Variants in NUP133 observed in about 807,000 individuals in gnomAD.
The protein encoded by NUP133 is nuclear pore complex protein Nup133.
NUP133 carries 66 observed loss-of-function variants against 146.2 expected under a neutral mutation model. The ratio of observed to expected loss-of-function variants is 0.45; its 90% CI spans 0.37 to 0.55. The LOEUF is 0.55. Ranked by LOEUF, NUP133 falls within the 20% of genes least tolerant of loss-of-function variation. The pLI is 0.00. For synonymous variants in NUP133, 521 were observed against 498.8 expected, an observed-to-expected ratio of 1.04 and a Z score of -0.59; for missense variants, 1,277 against 1,374.8, an observed-to-expected ratio of 0.93 and a Z score of 1.12.
chr1:229,453,661 G>C (rs1660504614), intron 21 of NUP133, among the ~76,000 whole-genome samples: 2 of 152,184 alleles, frequency 1.3e-5, no homozygotes, highest in Admixed American at 1.3e-4. Flanking sequence ...TCAGCAAGCG[G>C]ACACTTGCCC....
chr1:229,493,528 C>G (rs1661575245), intron 8 of NUP133, among the ~76,000 whole-genome samples: 1 of 152,094 alleles, frequency 6.6e-6, no homozygotes, highest in Admixed American at 6.6e-5. Context: ...AAATGGACAA[C>G]AAATCAGTAG....
At position 229,508,320 on chromosome 1, in the gene NUP133, A is replaced by C; in HGVS notation, c.-71T>G. The C allele has an allele frequency of 1.7e-6, 2 of 1,185,278 alleles. No homozygotes were observed. The highest frequency in any genetic ancestry group is 2.2e-6 in the Non-Finnish European group (2 of 893,070). 73.4% of individuals were successfully genotyped at this position (1,185,278 alleles called of 1,614,324 possible). A position where few individuals can be genotyped will look rare whatever the true frequency, so the allele number is the denominator to read the frequency against. On this transcript the variant is annotated 5_prime_UTR_variant, in exon 1 of 26. Transcript: ENST00000261396. ...GGTTGCAGCCTGGCCTGCGCGCGGAACTTAAACACCTAAGGGAAGAGATGG... is the reference window on the plus strand; with the variant it reads ...GGTTGCAGCCTGGCCTGCGCGCGGACCTTAAACACCTAAGGGAAGAGATGG...
intron 23 of NUP133, 112 bp downstream of exon 23, chr1:229,450,413 C>T (rs1410304910): frequency 1.1e-5 from 6 of 542,710 alleles, no homozygotes; most frequent in Non-Finnish European, 2.0e-5. Context: ...AGTTGAACCA[C>T]AGATACAGTC....
intron 12 of NUP133, 54 bp from the exon 13 acceptor site, chr1:229,477,814 C>T (rs1169432990): frequency 2.8e-6 from 4 of 1,405,566 alleles, no homozygotes; most frequent in Admixed American, 2.1e-5. Context: ...ATTTTCAAAA[C>T]TCACCAAGAA....
chr1:229,488,000 T>C lies in NUP133; in HGVS notation c.1195-387A>G, dbSNP rs1056917216. Among the ~76,000 whole-genome samples the C allele has an allele frequency of 4.6e-5, 7 of 152,066 alleles. No homozygotes were observed. In the South Asian group the frequency reaches 8.3e-4, roughly 18 times the overall value. ...CTGGGATTACAGGTGCATGCTACCATGCCCGGCTAATTTTTTTGTATCTTT... is the reference window on the plus strand; with the variant it reads ...CTGGGATTACAGGTGCATGCTACCACGCCCGGCTAATTTTTTTGTATCTTT... On this transcript the variant is annotated intron_variant, in intron 9 of 25. Coordinates refer to ENST00000261396, the MANE Select transcript of NUP133 (RefSeq NM_018230.3).
intron 11 of NUP133, 96 bp downstream of exon 11, chr1:229,486,275 C>T: frequency 9.0e-7 from 1 of 1,109,418 alleles, no homozygotes; most frequent in East Asian, 2.9e-5. Flanking sequence ...TGAACTACGA[C>T]TGTGCCACTG....
Position 229,470,727 on chromosome 1 carries a change from A to G in NUP133, c.1929T>C (p.His643=), listed in dbSNP as rs2102762587. ...CAATGGCGGCTGACAGCTTTTCGGC[A>G]TGCTCACAGAGCAACAGTCGAGTGG... ...PMATRLLLCE[H]AEKLSAAIVL... is the part of the protein sequence containing the mutation. The change falls in exon 15 of 26, where the codon CAT becomes CAC. Residue 643 remains histidine (H), a synonymous_variant. Coordinates refer to ENST00000261396, the MANE Select transcript of NUP133 (RefSeq NM_018230.3). 1.2e-6 allele frequency: 2 copies of G among 1,614,216 alleles called. No homozygotes were observed. Among genetic ancestry groups the G allele is most frequent in the East Asian group, 4.5e-5 (2 of 44,880 alleles).
intron 24 of NUP133, among the ~76,000 whole-genome samples, chr1:229,448,331 G>A (rs1660360390): frequency 6.6e-6 from 1 of 152,112 alleles, no homozygotes; most frequent in South Asian, 2.1e-4. Flanking sequence ...GGGAGGCTGA[G>A]GCAGGAGAAT....
chr1:229,442,056 C>T lies in NUP133; in HGVS notation c.3335-16G>A. On this transcript the variant is annotated splice_polypyrimidine_tract_variant and intron_variant, in intron 25 of 25. Transcript: ENST00000261396. ...AGCTGAATGCCTATAAACACAAACA[C>T]AAGAAGTCATTTTTCAATTATTATA... is the stretch of plus-strand genomic sequence containing the variant. 9 of 1,543,814 alleles carry T rather than the reference C, an allele frequency of 5.8e-6. No homozygotes were observed. Among genetic ancestry groups the T allele is most frequent in the Non-Finnish European group, 7.8e-6 (9 of 1,157,238 alleles).
intron 3 of NUP133, among the ~76,000 whole-genome samples, 156 bp from the exon 4 acceptor site, chr1:229,501,019 C>A (rs1661786845): frequency 6.6e-6 from 1 of 152,196 alleles, no homozygotes; most frequent in Admixed American, 6.5e-5. Context: ...TTTAATCAGG[C>A]TTTCAGTAAT....
At chr1:229,448,008 AGTC>A (rs992516546) in intron 24 of NUP133, among the ~76,000 whole-genome samples, 31 of 152,346 alleles carry the variant, frequency 2.0e-4, no homozygotes, top group Non-Finnish European at 4.1e-4. Context: ...AGTGGTCTCT[AGTC>A]GTCCTCGCTG....
At chr1:229,449,411 A>G (rs924004824) in intron 23 of NUP133, among the ~76,000 whole-genome samples, 2 of 145,742 alleles carry the variant, frequency 1.4e-5, no homozygotes, top group Non-Finnish European at 3.0e-5. Context: ...TCTGTCGCCC[A>G]AGCTGGAGTG....
At chr1:229,481,698 C>CA (rs35036625) in intron 12 of NUP133, among the ~76,000 whole-genome samples, 26,930 of 101,476 alleles carry the variant, frequency 0.27, 2,697 homozygotes, top group Middle Eastern at 0.34. Context: ...GACTCTGTCT[C>CA]AAAAAAAAAA....
intron 9 of NUP133, 27 bp from the exon 10 acceptor site, chr1:229,487,640 T>G (rs1661394511): frequency 6.5e-7 from 1 of 1,527,322 alleles, no homozygotes; most frequent in Non-Finnish European, 8.9e-7. Flanking sequence ...AGATTACATT[T>G]AACAAGAAGT....
chr1:229,495,606 G>A (rs1661636965), intron 7 of NUP133, 41 bp from the exon 8 acceptor site: 1 of 1,429,626 alleles, frequency 7.0e-7, no homozygotes, highest in Non-Finnish European at 9.8e-7. Flanking sequence ...TCAAGTGCAG[G>A]AATGATTTAT....
intron 5 of NUP133, among the ~76,000 whole-genome samples, chr1:229,498,888 T>C (rs1352035435): frequency 6.6e-6 from 1 of 152,142 alleles, no homozygotes; most frequent in Admixed American, 6.6e-5. Context: ...TATTTATTTA[T>C]ATTTTTTGTT....
At chr1:229,442,072 AATT>A (rs1558085513) in intron 25 of NUP133, 32 bp from the exon 26 acceptor site, 3 of 1,535,628 alleles carry the variant, frequency 2.0e-6, no homozygotes, top group South Asian at 2.6e-5. Context: ...GTCATTTTTC[AATT>A]ATTATAAAAT....
intron 12 of NUP133, among the ~76,000 whole-genome samples, chr1:229,481,722 G>C (rs1661216565): frequency 6.6e-6 from 1 of 151,246 alleles, no homozygotes. Context: ...AAGGCCATGT[G>C]AATGTGAGGA....
intron 17 of NUP133, 38 bp from the exon 18 acceptor site, chr1:229,464,913 G>C (rs1349807978): frequency 6.2e-7 from 1 of 1,606,608 alleles, no homozygotes; most frequent in African/African-American, 1.3e-5. Context: ...TAAAGTAAGG[G>C]ATCTAGTGAT....
Sources: gnomAD v4.1 joint callset for allele counts (sites outside exome capture counted in the v4.1 genomes callset) on GRCh38, gnomAD v4.1.1 for gene constraint, MANE v1.5 for transcripts, NCBI Gene and HGNC (gene_info 2026-07-23, HGNC 2026-07-21) for gene names.